Variants in MYO7B observed in about 807,000 individuals in gnomAD.
MYO7B encodes myosin VIIB, also known as unconventional myosin-VIIb.
Under a neutral mutation model 259.7 loss-of-function variants are expected in MYO7B, and 212 were observed. The ratio of observed to expected loss-of-function variants is 0.82; its 90% CI spans 0.73 to 0.91. The LOEUF (loss-of-function observed/expected upper bound fraction) is 0.91. Ranked by LOEUF, MYO7B falls within the 40% of genes least tolerant of loss-of-function variation. The pLI is 0.00. For missense variants in MYO7B, 2,732 were observed against 2,813.5 expected, an observed-to-expected ratio of 0.97 and a Z score of 0.66; for synonymous variants, 1,197 against 1,166.4, an observed-to-expected ratio of 1.03 and a Z score of -0.54.
At chr2:127,565,498 G>T (rs555267991) in intron 4 of MYO7B, 113 bp downstream of exon 4, 3 of 1,399,592 alleles carry the variant, frequency 2.1e-6, no homozygotes, top group African/African-American at 2.9e-5. Flanking sequence ...CCTCACTGAG[G>T]GAGGTGGGCG....
Position 127,584,147 on chromosome 2 carries a change from G to A in MYO7B, c.1369G>A (p.Ala457Thr), listed in dbSNP as rs144080203. The A allele has an allele frequency of 1.7e-3, 2,752 of 1,613,534 alleles. 20 individuals carry two copies. The highest frequency in any genetic ancestry group is 3.1e-3 in the Middle Eastern group (19 of 6,060). Reference protein sequence around the residue: ...NSFEQLCINFANEHLQQFFVQ... With the variant: ...NSFEQLCINFTNEHLQQFFVQ... ...CTTCGAGCAGCTCTGCATCAACTTCGCCAACGAGCACCTGCAGCAGTTCTT... is the reference window on the plus strand; with the variant it reads ...CTTCGAGCAGCTCTGCATCAACTTCACCAACGAGCACCTGCAGCAGTTCTT... Residue 457 changes from alanine to threonine, a missense_variant, in exon 13 of 48, where the codon GCC becomes ACC. Physicochemically the swap from Ala to Thr is moderately conservative, Grantham distance 58 (BLOSUM62 0). Transcript: ENST00000409816. This position sits in a 1 kb window ranked among gnomAD's most constrained non-coding sequence, Gnocchi z 5.8.
chr2:127,629,826 G>A lies in MYO7B; in HGVS notation c.4806G>A (p.Leu1602=). Residue 1602 remains leucine (L), a splice_region_variant and synonymous_variant, in exon 35 of 48, where the codon CTG becomes CTA. Coordinates refer to ENST00000409816, the MANE Select transcript of MYO7B (RefSeq NM_001393586.1). ...TCACTAAGCCCTCGGCACAGCTGCT[G>A]GTAACTGGCACGCTCCCCTGTCCTC... ...PTVTKPSAQL[L]SLLAMSPEKR... 2 of 1,555,520 alleles carry A rather than the reference G, an allele frequency of 1.3e-6. No individual in the cohort carries two copies. The highest frequency in any genetic ancestry group is 1.4e-5 in the African/African-American group (1 of 73,116).
chr2:127,564,643 C>G (rs1678254287), intron 3 of MYO7B, among the ~76,000 whole-genome samples: 1 of 152,044 alleles, frequency 6.6e-6, no homozygotes, highest in Non-Finnish European at 1.5e-5. Flanking sequence ...GCTCGTCCAC[C>G]AGAGGGGTCA....
chr2:127,579,013 A>T (rs57008699), intron 9 of MYO7B, among the ~76,000 whole-genome samples: 2,721 of 152,272 alleles, frequency 0.018, 79 homozygotes, highest in African/African-American at 0.06. Context: ...TTAAAAAAAA[A>T]AATAACCAAA....
At chr2:127,602,836 TA>T (rs1456417556) in intron 19 of MYO7B, among the ~76,000 whole-genome samples, 4 of 151,930 alleles carry the variant, frequency 2.6e-5, no homozygotes, top group Non-Finnish European at 5.9e-5. Flanking sequence ...TCATCTCTAC[TA>T]AAAATACAAA....
chr2:127,602,323 C>A (rs1679991663), intron 19 of MYO7B, among the ~76,000 whole-genome samples: 1 of 152,164 alleles, frequency 6.6e-6, no homozygotes, highest in Admixed American at 6.5e-5. Flanking sequence ...ATACAATTTT[C>A]TTATTTTCTC....
At chr2:127,632,534 C>A in intron 39 of MYO7B, 133 bp downstream of exon 39, 1 of 1,203,124 alleles carries the variant, frequency 8.3e-7, no homozygotes, top group Non-Finnish European at 1.1e-6. Context: ...GCTTGGCAGG[C>A]AGGATTGGGC....
chr2:127,595,987 T>A (rs1470589072), intron 18 of MYO7B, among the ~76,000 whole-genome samples: 1 of 152,224 alleles, frequency 6.6e-6, no homozygotes, highest in Non-Finnish European at 1.5e-5. Flanking sequence ...GTCCACTTGA[T>A]CCAGAGCTGA....
Position 127,607,442 on chromosome 2 carries a change from C to G in MYO7B, c.2643+18C>G. Reference sequence around the variant, plus strand: ...AGGCCAATGTAGGTGGTCACCTGGCCTCTTGGGCAGGTGGGGCTGGCTGGG... The same window carrying G: ...AGGCCAATGTAGGTGGTCACCTGGCGTCTTGGGCAGGTGGGGCTGGCTGGG... On this transcript the variant is annotated intron_variant, in intron 21 of 47. Transcript: ENST00000409816. The surrounding 1 kb of genome is among the most constrained non-coding windows in gnomAD (Gnocchi z 4.4). The G allele has an allele frequency of 6.5e-7, 1 of 1,549,230 alleles. No homozygotes were observed. The highest frequency in any genetic ancestry group is 1.2e-5 in the South Asian group (1 of 83,842).
In MYO7B at chr2:127,637,568, CCT is replaced by C. The variant is rs1681924175; in HGVS notation, c.*154_*155del. On this transcript the variant is annotated 3_prime_UTR_variant, in exon 48 of 48. Coordinates refer to ENST00000409816, the MANE Select transcript of MYO7B (RefSeq NM_001393586.1). Reference sequence around the variant, plus strand: ...GCCCACTCAGCCCCGCAGGCGGCCCCCTCTGTCCTGGGCGCTGCCCAGGGAGG... The same window carrying C: ...GCCCACTCAGCCCCGCAGGCGGCCCCCTGTCCTGGGCGCTGCCCAGGGAGG... The C allele has an allele frequency of 1.6e-6, 1 of 611,060 alleles. No individual in the cohort carries two copies. The highest frequency in any genetic ancestry group is 2.8e-6 in the Non-Finnish European group (1 of 363,466). 37.9% of individuals were successfully genotyped at this position (611,060 alleles called of 1,614,324 possible). A position where few individuals can be genotyped will look rare whatever the true frequency, so the allele number is the denominator to read the frequency against.
At chr2:127,594,628 T>C (rs964758565) in intron 18 of MYO7B, among the ~76,000 whole-genome samples, 1 of 152,226 alleles carries the variant, frequency 6.6e-6, no homozygotes, top group Admixed American at 6.5e-5. Flanking sequence ...GCTCTTATTA[T>C]TTTGAGGCAT....
Position 127,576,748 on chromosome 2 carries a change from G to A in MYO7B, c.849+40G>A, listed in dbSNP as rs775618197. On this transcript the variant is annotated intron_variant, in intron 8 of 47. Coordinates refer to ENST00000409816, the MANE Select transcript of MYO7B (RefSeq NM_001393586.1). The surrounding 1 kb of genome is among the most constrained non-coding windows in gnomAD (Gnocchi z 4.9). Reference sequence around the variant, plus strand: ...TGCCGCCTCCCAGTAGCCAGTGGAAGGGAGGAAAAAGAGCTTGTGCCGCTC... The same window carrying A: ...TGCCGCCTCCCAGTAGCCAGTGGAAAGGAGGAAAAAGAGCTTGTGCCGCTC... 114 of 1,428,542 alleles carry A rather than the reference G, an allele frequency of 8.0e-5. No individual in the cohort carries two copies. The highest frequency in any genetic ancestry group is 1.1e-4 in the Non-Finnish European group (111 of 1,023,160). The allele number at this position is 1,428,542 out of a possible 1,614,324, so 88.5% of individuals were successfully genotyped here. A position where few individuals can be genotyped will look rare whatever the true frequency, so the allele number is the denominator to read the frequency against.
intron 14 of MYO7B, 109 bp from the exon 15 acceptor site, chr2:127,588,283 G>A: frequency 1.6e-6 from 2 of 1,285,032 alleles, no homozygotes; most frequent in South Asian, 2.9e-5. Context: ...GCCATTGTAG[G>A]AGGGGGCTCC....
At chr2:127,612,665 C>G in intron 26 of MYO7B, 62 bp downstream of exon 26, 1 of 1,573,314 alleles carries the variant, frequency 6.4e-7, no homozygotes. Flanking sequence ...TGGCTCTCAG[C>G]CCATGGCCAC....
chr2:127,624,055 A>C lies in MYO7B; in HGVS notation c.3820-38A>C, dbSNP rs756142833. The C allele has an allele frequency of 7.6e-5, 115 of 1,521,148 alleles. 1 individual carries two copies. The highest frequency in any genetic ancestry group is 2.2e-4 in the Middle Eastern group (1 of 4,502). The allele number at this position is 1,521,148 out of a possible 1,614,324, so 94.2% of individuals were successfully genotyped here. A position where few individuals can be genotyped will look rare whatever the true frequency, so the allele number is the denominator to read the frequency against. ...GGCGTCCCCGTGGGGTGGGGCATGC[A>C]ACAGCCGCTAACCCCTGCTCCCCGA... On this transcript the variant is annotated intron_variant, in intron 29 of 47. Transcript: ENST00000409816.
chr2:127,575,697 G>A (rs1678839979), intron 7 of MYO7B, among the ~76,000 whole-genome samples: 1 of 152,126 alleles, frequency 6.6e-6, no homozygotes, highest in South Asian at 2.1e-4. Flanking sequence ...AGGCAGGATG[G>A]AAAGGAGCTC....
At chr2:127,634,796 C>A in intron 42 of MYO7B, 113 bp downstream of exon 42, 1 of 1,085,270 alleles carries the variant, frequency 9.2e-7, no homozygotes, top group Non-Finnish European at 1.4e-6. Context: ...CCCGTGTGTC[C>A]CTGGGTTGTG....
intron 21 of MYO7B, 71 bp from the exon 22 acceptor site, chr2:127,608,637 T>G (rs1680251235): frequency 6.7e-7 from 1 of 1,502,686 alleles, no homozygotes; most frequent in Non-Finnish European, 9.0e-7. Context: ...GCTTGCCCTG[T>G]GGGGTAGGCA....
rs991344314 is a variant in MYO7B at position 127,627,922 on chromosome 2, C to T, written c.4461-450C>T. 1 of 460,216 alleles carries T rather than the reference C, an allele frequency of 2.2e-6. No individual in the cohort carries two copies. The highest frequency in any genetic ancestry group is 4.4e-6 in the Non-Finnish European group (1 of 229,628). The allele number at this position is 460,216 out of a possible 1,614,324, so 28.5% of individuals were successfully genotyped here. On this transcript the variant is annotated intron_variant, in intron 33 of 47. Transcript: ENST00000409816. This position sits in a 1 kb window ranked among gnomAD's most constrained non-coding sequence, Gnocchi z 5.6. The stretch of plus-strand genomic sequence containing the variant: ...GTGGCCACCACTCCCCACTGGCCAC[C>T]TCTCACTGAGGCTGACCATGCTGGG...
Sources: gnomAD v4.1 joint callset for allele counts (sites outside exome capture counted in the v4.1 genomes callset) on GRCh38, gnomAD v4.1.1 for gene constraint, Gnocchi (gnomAD v3.1) non-coding constraint, MANE v1.5 for transcripts, NCBI Gene and HGNC (gene_info 2026-07-23, HGNC 2026-07-21) for gene names.